PLA2G6: variants seen among roughly 807,000 people sequenced by gnomAD.
PLA2G6 encodes the protein 85/88 kDa calcium-independent phospholipase A2.
A neutral mutation model predicts 83.8 loss-of-function variants in PLA2G6; 62 were observed. The observed-to-expected ratio is 0.74, with a 90% CI of 0.60 to 0.91. PLA2G6 has a LOEUF of 0.91. PLA2G6 is among the 40% of genes least tolerant of loss of function. The pLI, the probability that PLA2G6 is intolerant of heterozygous loss-of-function variation, is 0.00. For synonymous variants in PLA2G6, 417 were observed against 449.8 expected, an observed-to-expected ratio of 0.93 and a Z score of 0.92; for missense variants, 944 against 1,102.0, an observed-to-expected ratio of 0.86 and a Z score of 2.03.
chr22:38,126,608 TG>T (rs2087876343), intron 9 of PLA2G6, 159 bp from the exon 10 acceptor site: 1 of 668,052 alleles, frequency 1.5e-6, no homozygotes, highest in South Asian at 1.5e-5. Flanking sequence ...GGAAGGACTC[TG>T]TCCCAGGAGA....
chr22:38,176,840 C>A (rs552581630), intron 1 of PLA2G6, among the ~76,000 whole-genome samples: 220 of 152,196 alleles, frequency 1.4e-3, no homozygotes, highest in African/African-American at 5.0e-3. Context: ...AAGTTCAAGA[C>A]CAGCCTGGCC....
chr22:38,120,463 G>A (rs1318903137), intron 12 of PLA2G6, among the ~76,000 whole-genome samples: 8 of 149,742 alleles, frequency 5.3e-5, no homozygotes, highest in African/African-American at 7.3e-5. Context: ...ACCCCTGGCC[G>A]GGCAGGGCAG....
At chr22:38,145,144 CA>C (rs897000941) in intron 3 of PLA2G6, 12 of 403,436 alleles carry the variant, frequency 3.0e-5, no homozygotes, top group African/African-American at 2.3e-4. Flanking sequence ...TGGGCTCAAG[CA>C]ATCCTCCTGC....
chr22:38,121,187 G>A, intron 11 of PLA2G6: 2 of 392,082 alleles, frequency 5.1e-6, no homozygotes, highest in Non-Finnish European at 9.6e-6. Flanking sequence ...AGACCAGCCT[G>A]CCCAACATGG....
At chr22:38,120,232 T>C (rs1356049371) in intron 12 of PLA2G6, among the ~76,000 whole-genome samples, 1 of 152,262 alleles carries the variant, frequency 6.6e-6, no homozygotes, top group East Asian at 1.9e-4. Flanking sequence ...CTTAAATTAG[T>C]TCAAGTCTTG....
At chr22:38,133,128 A>T (rs2088329503) in intron 6 of PLA2G6, 115 bp from the exon 7 acceptor site, 2 of 1,024,562 alleles carry the variant, frequency 2.0e-6, no homozygotes, top group Non-Finnish European at 2.9e-6. Context: ...GGGATGTTGG[A>T]AAGCGCTAGC....
Position 38,151,250 on chromosome 22 carries a change from C to CT in PLA2G6, c.210-5598dup, listed in dbSNP as rs972971440. ...AAATACAAAAGCTTTTTCTTTCCTT[C>CT]TTTTTTTTTTTTGGAGACATGGTCT... On this transcript the variant is annotated intron_variant, in intron 2 of 16. Coordinates refer to ENST00000332509, the MANE Select transcript of PLA2G6 (RefSeq NM_003560.4). 7.1e-3 allele frequency among the ~76,000 whole-genome samples: 1,039 copies of CT among 146,418 alleles called. 1 individual carries two copies. The highest frequency in any genetic ancestry group is 0.012 in the Non-Finnish European group (778 of 66,114).
chr22:38,161,677 T>C (rs1204225213), intron 2 of PLA2G6, among the ~76,000 whole-genome samples: 2 of 151,076 alleles, frequency 1.3e-5, no homozygotes, highest in African/African-American at 2.4e-5. Flanking sequence ...GAATGTGGAG[T>C]AGGCGGGGAC....
intron 9 of PLA2G6, among the ~76,000 whole-genome samples, chr22:38,127,897 C>G (rs1280235390): frequency 6.6e-6 from 1 of 152,182 alleles, no homozygotes; most frequent in Non-Finnish European, 1.5e-5. Flanking sequence ...GCCAGAGGGA[C>G]AGGTGAAGCC....
chr22:38,136,031 A>C (rs2088531875), intron 5 of PLA2G6: 1 of 152,260 alleles, frequency 6.6e-6, no homozygotes, highest in Non-Finnish European at 1.5e-5. Context: ...AACATGGATG[A>C]GCCTTGAAGA....
intron 16 of PLA2G6, 94 bp downstream of exon 16, chr22:38,112,410 A>G: frequency 2.6e-6 from 4 of 1,518,204 alleles, no homozygotes; most frequent in Non-Finnish European, 3.6e-6. Flanking sequence ...ACCCTTGGGG[A>G]AGGGAAAGTC....
At chr22:38,112,888 C>CCTCT (rs34550422) in intron 15 of PLA2G6, 6,948 of 453,178 alleles carry the variant, frequency 0.015, 363 homozygotes, top group African/African-American at 0.13. Flanking sequence ...CTCCCTCCCT[C>CCTCT]CTCTCTCTCT....
chr22:38,169,464 C>G lies in PLA2G6; in HGVS notation c.-38G>C. 6.4e-7 allele frequency: 1 copy of G among 1,574,302 alleles called. No individual in the cohort carries two copies. The highest frequency in any genetic ancestry group is 8.7e-7 in the Non-Finnish European group (1 of 1,146,966). ...AGGTGGGGAGGCCCCACCGTCTTCC[C>G]CCTCTGTCTGGAAGAAAACGAGGTC... On this transcript the variant is annotated 5_prime_UTR_variant, in exon 2 of 17. Coordinates refer to ENST00000332509, the MANE Select transcript of PLA2G6 (RefSeq NM_003560.4).
intron 3 of PLA2G6, 32 bp downstream of exon 3, chr22:38,145,406 C>G (rs778877374): frequency 2.6e-6 from 4 of 1,544,120 alleles, no homozygotes; most frequent in Non-Finnish European, 3.5e-6. Context: ...GGTACACACA[C>G]GTTGTCCAAA....
At chr22:38,177,129 G>C (rs1307423452) in intron 1 of PLA2G6, among the ~76,000 whole-genome samples, 1 of 152,112 alleles carries the variant, frequency 6.6e-6, no homozygotes, top group Non-Finnish European at 1.5e-5. Context: ...GAGGAAATGG[G>C]GTGGCAGGTT....
Position 38,128,519 on chromosome 22 carries a change from C to T in PLA2G6, c.1187-89G>A, listed in dbSNP as rs1045583467. On this transcript the variant is annotated intron_variant, in intron 8 of 16. Coordinates refer to ENST00000332509, the MANE Select transcript of PLA2G6 (RefSeq NM_003560.4). This position sits in a 1 kb window ranked among gnomAD's most constrained non-coding sequence, Gnocchi z 4.4. ...GAGGCCCCTCCTTTCCACACTCCGT[C>T]CCCTGTCCCAGCTCCCAGGCCCTGG... 39 of 1,426,166 alleles carry T rather than the reference C, an allele frequency of 2.7e-5. No homozygotes were observed. Among genetic ancestry groups the T allele is most frequent in the East Asian group, 7.2e-5 (3 of 41,630 alleles). 88.3% of individuals were successfully genotyped at this position (1,426,166 alleles called of 1,614,324 possible).
At position 38,169,266 on chromosome 22, in the gene PLA2G6, G is replaced by A; in HGVS notation, c.161C>T (p.Thr54Ile). Residue 54 changes from threonine to isoleucine, a missense_variant, in exon 2 of 17, where the codon ACC becomes ATC. Physicochemically the swap from Thr to Ile is moderately conservative, Grantham distance 89. Transcript: ENST00000332509. ...LILFQNTPNR[T>I]WDCVLVNPRN... is the part of the protein sequence containing the mutation. ...GGGGTTGACCAGGACGCAGTCCCAG[G>A]TGCGGTTGGGAGTGTTCTGGAACAG... 2 of 1,614,192 alleles carry A rather than the reference G, an allele frequency of 1.2e-6. No homozygotes were observed. Among genetic ancestry groups the A allele is most frequent in the Non-Finnish European group, 1.7e-6 (2 of 1,180,022 alleles).
At chr22:38,112,947 C>A in intron 15 of PLA2G6, 1 of 404,620 alleles carries the variant, frequency 2.5e-6, no homozygotes, top group Non-Finnish European at 4.7e-6. Flanking sequence ...CCTTCTGTTG[C>A]TCAGGCTGGA....
intron 6 of PLA2G6, chr22:38,133,866 CATCCATCAT>C (rs2088374933): frequency 6.6e-6 from 1 of 151,582 alleles, no homozygotes; most frequent in African/African-American, 2.4e-5. Flanking sequence ...CCACCATCAT[CATCCATCAT>C]CATCATCATC....
Sources: gnomAD v4.1 joint callset for allele counts (sites outside exome capture counted in the v4.1 genomes callset) on GRCh38, gnomAD v4.1.1 for gene constraint, Gnocchi (gnomAD v3.1) non-coding constraint, MANE v1.5 for transcripts, NCBI Gene and HGNC (gene_info 2026-07-23, HGNC 2026-07-21) for gene names.